Variants in GRID2 observed in about 807,000 individuals in gnomAD.
The protein encoded by GRID2 is glutamate ionotropic receptor delta type subunit 2.
In GRID2, 33 loss-of-function variants were observed where a neutral mutation model predicts 114.8. That is an observed-to-expected ratio of 0.29 (90% confidence interval 0.22 to 0.38). GRID2 has a LOEUF of 0.38. Among genes scored for constraint, GRID2 ranks in the 10% least tolerant of loss-of-function variants. The pLI, the probability that GRID2 is intolerant of heterozygous loss-of-function variation, is 1.00. For synonymous variants in GRID2, 505 were observed against 449.9 expected (o/e 1.12, Z -1.55); for missense variants, 1,184 against 1,257.7 (o/e 0.94, Z 0.89).
At chr4:93,674,116 G>A (rs1724654305) in intron 14 of GRID2, among the ~76,000 whole-genome samples, 1 of 152,016 alleles carries the variant, frequency 6.6e-6, no homozygotes, top group African/African-American at 2.4e-5. Flanking sequence ...AGTGCCCTCT[G>A]GCTACATCCT....
chr4:93,413,737 AT>A (rs1767437211), intron 9 of GRID2, among the ~76,000 whole-genome samples: 1 of 152,046 alleles, frequency 6.6e-6, no homozygotes, highest in South Asian at 2.1e-4. Context: ...GACTTTAATT[AT>A]TTTTTCTTCT....
intron 1 of GRID2, among the ~76,000 whole-genome samples, chr4:92,567,227 C>CT (rs1727380553): frequency 6.6e-6 from 1 of 151,908 alleles, no homozygotes; most frequent in Admixed American, 6.6e-5. Flanking sequence ...GTCATTTCTT[C>CT]TTTTTTGAAT....
At chr4:92,434,876 C>T (rs755700964) in intron 1 of GRID2, among the ~76,000 whole-genome samples, 1 of 151,858 alleles carries the variant, frequency 6.6e-6, no homozygotes, top group African/African-American at 2.4e-5. Flanking sequence ...CCCCTTAATC[C>T]CTATAATGCT....
At chr4:92,866,941 G>A (rs1744913021) in intron 2 of GRID2, among the ~76,000 whole-genome samples, 1 of 151,990 alleles carries the variant, frequency 6.6e-6, no homozygotes, top group Non-Finnish European at 1.5e-5. Context: ...TCTGTTTTTT[G>A]AAACAAATTA....
intron 2 of GRID2, among the ~76,000 whole-genome samples, chr4:92,658,337 A>T (rs1732347351): frequency 6.6e-6 from 1 of 151,776 alleles, no homozygotes; most frequent in African/African-American, 2.4e-5. Flanking sequence ...CATCTCATTA[A>T]AATGTGAATC....
intron 1 of GRID2, among the ~76,000 whole-genome samples, chr4:92,368,263 A>C (rs74860206): frequency 6.6e-6 from 1 of 152,036 alleles, no homozygotes; most frequent in Non-Finnish European, 1.5e-5. Context: ...CCTAAATGCT[A>C]TTCTCTAAGG....
At chr4:92,410,878 A>C (rs1731266922) in intron 1 of GRID2, among the ~76,000 whole-genome samples, 1 of 136,634 alleles carries the variant, frequency 7.3e-6, no homozygotes. Flanking sequence ...ATGAATAGTC[A>C]CTCTCAGTGG....
chr4:93,249,626 A>G (rs1748613238), intron 8 of GRID2, among the ~76,000 whole-genome samples: 1 of 152,106 alleles, frequency 6.6e-6, no homozygotes, highest in African/African-American at 2.4e-5. Context: ...TCCAGAGTCA[A>G]AAAGGAACTT....
intron 8 of GRID2, among the ~76,000 whole-genome samples, chr4:93,330,973 A>G (rs1758366508): frequency 6.6e-6 from 1 of 151,900 alleles, no homozygotes; most frequent in Admixed American, 6.6e-5. Flanking sequence ...CTGTCTCCCT[A>G]CTCTTGTCTC....
At chr4:92,608,869 C>T (rs1305244264) in intron 2 of GRID2, among the ~76,000 whole-genome samples, 3 of 151,640 alleles carry the variant, frequency 2.0e-5, no homozygotes, top group African/African-American at 7.3e-5. Flanking sequence ...CTTTGTTAAT[C>T]GTTCATTTAT....
chr4:93,152,481 T>C (rs1032572784), intron 4 of GRID2, among the ~76,000 whole-genome samples: 1 of 152,122 alleles, frequency 6.6e-6, no homozygotes, highest in Non-Finnish European at 1.5e-5. Flanking sequence ...ATAATTTTAC[T>C]AGAAATCAAA....
chr4:92,676,285 T>C (rs957425714), intron 2 of GRID2, among the ~76,000 whole-genome samples: 1 of 149,600 alleles, frequency 6.7e-6, no homozygotes, highest in Non-Finnish European at 1.5e-5. Flanking sequence ...GTTCATGCCC[T>C]TCTCCTGCCT....
At chr4:92,471,351 C>A (rs991819116) in intron 1 of GRID2, among the ~76,000 whole-genome samples, 1 of 152,002 alleles carries the variant, frequency 6.6e-6, no homozygotes, top group Non-Finnish European at 1.5e-5. Flanking sequence ...GGACCAGTGA[C>A]CTTGTACAAC....
intron 11 of GRID2, among the ~76,000 whole-genome samples, chr4:93,474,837 CTG>C (rs1361473793): frequency 1.1e-4 from 16 of 152,046 alleles, no homozygotes; most frequent in Admixed American, 1.1e-3. Flanking sequence ...TACCATAAGC[CTG>C]TTGTGAAGAT....
intron 12 of GRID2, among the ~76,000 whole-genome samples, chr4:93,493,226 A>C (rs1474936713): frequency 6.6e-6 from 1 of 151,878 alleles, no homozygotes; most frequent in Non-Finnish European, 1.5e-5. Flanking sequence ...TAAATAAATA[A>C]ATCGTAAAAA....
chr4:93,557,860 C>T (rs1345814928), intron 13 of GRID2, among the ~76,000 whole-genome samples: 3 of 152,010 alleles, frequency 2.0e-5, no homozygotes, highest in Non-Finnish European at 4.4e-5. Flanking sequence ...TCAGCAAATG[C>T]AAAAGAATGG....
intron 13 of GRID2, among the ~76,000 whole-genome samples, chr4:93,583,933 C>T (rs1191770425): frequency 6.6e-6 from 1 of 152,080 alleles, no homozygotes; most frequent in Admixed American, 6.6e-5. Flanking sequence ...AACCAATGAA[C>T]AAGACATCAC....
chr4:92,374,038 G>A (rs1055897919), intron 1 of GRID2, among the ~76,000 whole-genome samples: 4 of 151,666 alleles, frequency 2.6e-5, no homozygotes, highest in African/African-American at 7.3e-5. Context: ...AAGCCCCCCC[G>A]CCCTGCCACC....
chr4:93,271,306 A>G (rs1384601067), intron 8 of GRID2, among the ~76,000 whole-genome samples: 3 of 152,132 alleles, frequency 2.0e-5, no homozygotes, highest in African/African-American at 7.2e-5. Context: ...AATGTGTGCA[A>G]TGCTGGGAGG....
Sources: allele counts gnomAD v4.1 joint callset (sites outside exome capture counted in the v4.1 genomes callset), GRCh38; gene constraint gnomAD v4.1.1; transcripts MANE v1.5; gene names NCBI Gene and HGNC (gene_info 2026-07-23, HGNC 2026-07-21).